ZNF395: variants seen among roughly 807,000 people sequenced by gnomAD.
ZNF395 encodes the protein zinc finger protein 395.
A neutral mutation model predicts 57.7 loss-of-function variants in ZNF395; 20 were observed. The ratio of observed to expected loss-of-function variants is 0.35; its 90% CI spans 0.24 to 0.50. The LOEUF is 0.50. Among genes scored for constraint, ZNF395 ranks in the 20% least tolerant of loss-of-function variants. The pLI is 0.97. For synonymous variants in ZNF395, 295 were observed against 275.9 expected, an observed-to-expected ratio of 1.07 and a Z score of -0.69; for missense variants, 606 against 671.2, an observed-to-expected ratio of 0.90 and a Z score of 1.07.
intron 1 of ZNF395, chr8:28,386,037 C>T (rs1255968165): frequency 6.8e-6 from 1 of 147,292 alleles, no homozygotes; most frequent in African/African-American, 2.4e-5. Flanking sequence ...ACGCGCCCGG[C>T]TTCCCCGGCT....
rs547945591 is a variant in ZNF395 at position 28,351,708 on chromosome 8, GGCA to G, written c.1017_1019del (p.Ala341del). On this transcript the variant is annotated inframe_deletion, in exon 7 of 10. Coordinates refer to ENST00000344423, the MANE Select transcript of ZNF395 (RefSeq NM_018660.3). The stretch of plus-strand genomic sequence containing the variant: ...GAGTCCCAGGGACTGGGGTGCCTGC[GGCA>G]GCAGCAGCAGCAGCAGCAGCAGATT... The G allele has an allele frequency of 1.6e-4, 258 of 1,596,934 alleles. No homozygotes were observed. The highest frequency in any genetic ancestry group is 3.7e-4 in the South Asian group (33 of 89,572).
chr8:28,351,636 C>A lies in ZNF395; in HGVS notation c.1092G>T (p.Leu364=). ...TGTGCAGAGGTGGTGGAAGAGCAGA[C>A]AGAGGCAGGCCAGTCATGCTGGGGG... ...APTPSMTGLP[L]SALPPPLHKA... is the part of the protein sequence containing the mutation. The change falls in exon 7 of 10, where the codon CTG becomes CTT. Residue 364 remains leucine (L), a synonymous_variant. Coordinates refer to ENST00000344423, the MANE Select transcript of ZNF395 (RefSeq NM_018660.3). The A allele has an allele frequency of 6.2e-7, 1 of 1,613,472 alleles. No homozygotes were observed. The highest frequency in any genetic ancestry group is 8.5e-7 in the Non-Finnish European group (1 of 1,179,980).
rs1563334253 is a variant in ZNF395 at position 28,345,905 on chromosome 8, C to T, written c.*2814G>A. The T allele has an allele frequency of 6.6e-6, 1 of 152,200 alleles. No homozygotes were observed. Among genetic ancestry groups the T allele is most frequent in the Non-Finnish European group, 1.5e-5 (1 of 68,022 alleles). The allele number at this position is 152,200 out of a possible 1,614,324, so 9.4% of individuals were successfully genotyped here. A position where few individuals can be genotyped will look rare whatever the true frequency, so the allele number is the denominator to read the frequency against. On this transcript the variant is annotated 3_prime_UTR_variant, in exon 10 of 10. Transcript: ENST00000344423. Reference sequence around the variant, plus strand: ...TCAAGCTATAGACTCACAATGACAACGTGGCCATGGCTCAAAACACTCTCT... The same window carrying T: ...TCAAGCTATAGACTCACAATGACAATGTGGCCATGGCTCAAAACACTCTCT...
At position 28,348,104 on chromosome 8, in the gene ZNF395, A is replaced by G. The variant is rs1801629909; in HGVS notation, c.*615T>C. The G allele has an allele frequency of 6.6e-6, 1 of 152,122 alleles. No homozygotes were observed. Among genetic ancestry groups the G allele is most frequent in the Non-Finnish European group, 1.5e-5 (1 of 68,028 alleles). The allele number at this position is 152,122 out of a possible 1,614,324, so 9.4% of individuals were successfully genotyped here. On this transcript the variant is annotated 3_prime_UTR_variant, in exon 10 of 10. Transcript: ENST00000344423. ...TGGGGTGCAACCCAATGTCTGAGGGAACCCAGATTTAAGTCGTCACCAAGA... is the reference window on the plus strand; with the variant it reads ...TGGGGTGCAACCCAATGTCTGAGGGGACCCAGATTTAAGTCGTCACCAAGA...
rs563295896 is a variant in ZNF395, at chr8:28,348,458, T to C, written c.*261A>G. On this transcript the variant is annotated 3_prime_UTR_variant, in exon 10 of 10. Transcript: ENST00000344423. ...GGAGGGTAATTAATTCTTTGGTCAC[T>C]GGTTCACTGCTGAATAGCCTTGGTC... is the stretch of plus-strand genomic sequence containing the variant. 44 of 434,350 alleles carry C rather than the reference T, an allele frequency of 1.0e-4. No individual in the cohort carries two copies. Among genetic ancestry groups the C allele is most frequent in the African/African-American group, 8.4e-4 (42 of 49,888 alleles). The allele number at this position is 434,350 out of a possible 1,614,324, so 26.9% of individuals were successfully genotyped here.
At chr8:28,381,161 C>A (rs994702229) in intron 1 of ZNF395, among the ~76,000 whole-genome samples, 6 of 152,094 alleles carry the variant, frequency 3.9e-5, no homozygotes, top group Non-Finnish European at 7.4e-5. Flanking sequence ...CTTGCCTCAG[C>A]CTCCCGAGCA....
chr8:28,362,424 T>C (rs950008832), intron 1 of ZNF395, among the ~76,000 whole-genome samples: 1 of 152,252 alleles, frequency 6.6e-6, no homozygotes, highest in Admixed American at 6.5e-5. Context: ...GCTTATTATG[T>C]GCAAAGCACA....
chr8:28,357,769 G>C (rs1271661066), intron 3 of ZNF395, among the ~76,000 whole-genome samples: 2 of 152,116 alleles, frequency 1.3e-5, no homozygotes, highest in East Asian at 3.8e-4. Flanking sequence ...CTCTAATTTG[G>C]TTTCAAAATA....
At chr8:28,369,329 G>A (rs1801949553) in intron 1 of ZNF395, among the ~76,000 whole-genome samples, 1 of 152,116 alleles carries the variant, frequency 6.6e-6, no homozygotes, top group Admixed American at 6.5e-5. Flanking sequence ...CACATTATCT[G>A]ACAATGCCAA....
At chr8:28,374,639 C>A (rs753510752) in intron 1 of ZNF395, among the ~76,000 whole-genome samples, 1 of 152,080 alleles carries the variant, frequency 6.6e-6, no homozygotes, top group Admixed American at 6.6e-5. Flanking sequence ...GATCTTGTTT[C>A]AATATTACAA....
At chr8:28,355,444 A>ATT (rs11292657) in intron 4 of ZNF395, among the ~76,000 whole-genome samples, 3 of 143,588 alleles carry the variant, frequency 2.1e-5, no homozygotes, top group Admixed American at 7.0e-5. Flanking sequence ...TTAATAGACA[A>ATT]TTTTTTTTTT....
rs1281076644 is a variant in ZNF395 at position 28,352,449 on chromosome 8, C to T, written c.920+124G>A. The T allele has an allele frequency of 2.7e-6, 2 of 742,216 alleles. No individual in the cohort carries two copies. The highest frequency in any genetic ancestry group is 5.1e-5 in the East Asian group (2 of 38,892). The allele number at this position is 742,216 out of a possible 1,614,324, so 46.0% of individuals were successfully genotyped here. A position where few individuals can be genotyped will look rare whatever the true frequency, so the allele number is the denominator to read the frequency against. The stretch of plus-strand genomic sequence containing the variant: ...TTTCTCAGGGGGCCAGGAAGAGACA[C>T]CAGGGGGTGTTCCCAGCAAGCCACG... On this transcript the variant is annotated intron_variant, in intron 6 of 9. Coordinates refer to ENST00000344423, the MANE Select transcript of ZNF395 (RefSeq NM_018660.3). The surrounding 1 kb of genome is among the most constrained non-coding windows in gnomAD (Gnocchi z 4.0).
chr8:28,360,127 C>T (rs887094611), intron 2 of ZNF395, among the ~76,000 whole-genome samples: 6 of 152,200 alleles, frequency 3.9e-5, no homozygotes, highest in Non-Finnish European at 5.9e-5. Context: ...TTCCTTGACC[C>T]GGATGCACTG....
intron 1 of ZNF395, among the ~76,000 whole-genome samples, chr8:28,375,778 G>C (rs770732747): frequency 3.3e-5 from 5 of 152,068 alleles, no homozygotes; most frequent in Non-Finnish European, 5.9e-5. Context: ...GATTAAAATG[G>C]ACACAGGACA....
rs994183198 is a variant in ZNF395 at position 28,346,637 on chromosome 8, G to C, written c.*2082C>G. 12 of 152,148 alleles carry C rather than the reference G, an allele frequency of 7.9e-5. No homozygotes were observed. Among genetic ancestry groups the C allele is most frequent in the African/African-American group, 2.7e-4 (11 of 41,406 alleles). The allele number at this position is 152,148 out of a possible 1,614,324, so 9.4% of individuals were successfully genotyped here. A position where few individuals can be genotyped will look rare whatever the true frequency, so the allele number is the denominator to read the frequency against. On this transcript the variant is annotated 3_prime_UTR_variant, in exon 10 of 10. Coordinates refer to ENST00000344423, the MANE Select transcript of ZNF395 (RefSeq NM_018660.3). ...TCCGTATATCCAGTTATATCTACAC[G>C]GTCCAAACTGGGGGCGGGGGGAATT...
At chr8:28,374,908 G>A (rs1234605273) in intron 1 of ZNF395, among the ~76,000 whole-genome samples, 3 of 152,114 alleles carry the variant, frequency 2.0e-5, no homozygotes, top group African/African-American at 7.2e-5. Context: ...ATGGGAATCA[G>A]GATTCCTAAT....
chr8:28,352,613 T>A lies in ZNF395; in HGVS notation c.880A>T (p.Ile294Phe). 6.2e-7 allele frequency: 1 copy of A among 1,614,162 alleles called. No individual in the cohort carries two copies. Among genetic ancestry groups the A allele is most frequent in the Non-Finnish European group, 8.5e-7 (1 of 1,180,016 alleles). ...TTGACGTGTCGTTTGATGCCCACAA[T>A]GGAGCGCAGAACTTTGCCACAGTTT... ...WPNCGKVLRSIVGIKRHVKAL... is the reference protein window; with the variant it reads ...WPNCGKVLRSFVGIKRHVKAL... Residue 294 changes from isoleucine (I) to phenylalanine (F), a missense_variant, in exon 6 of 10, where the codon ATT becomes TTT. Ile to Phe is a conservative substitution (Grantham distance 21). Transcript: ENST00000344423. The surrounding 1 kb of genome is among the most constrained non-coding windows in gnomAD (Gnocchi z 4.0).
intron 1 of ZNF395, among the ~76,000 whole-genome samples, chr8:28,380,389 G>A (rs1296927760): frequency 2.0e-5 from 3 of 151,924 alleles, no homozygotes; most frequent in Non-Finnish European, 4.4e-5. Flanking sequence ...ACCTTGATTT[G>A]TCTGCAAAAC....
chr8:28,348,094 T>A lies in ZNF395; in HGVS notation c.*625A>T, dbSNP rs1420344666. 1 of 152,198 alleles carries A rather than the reference T, an allele frequency of 6.6e-6. No homozygotes were observed. 9.4% of individuals were successfully genotyped at this position (152,198 alleles called of 1,614,324 possible). A position where few individuals can be genotyped will look rare whatever the true frequency, so the allele number is the denominator to read the frequency against. On this transcript the variant is annotated 3_prime_UTR_variant, in exon 10 of 10. Transcript: ENST00000344423. ...TAATATTTGTTGGGGTGCAACCCAA[T>A]GTCTGAGGGAACCCAGATTTAAGTC...
Sources: allele counts gnomAD v4.1 joint callset (sites outside exome capture counted in the v4.1 genomes callset), GRCh38; gene constraint gnomAD v4.1.1; non-coding constraint Gnocchi (gnomAD v3.1); transcripts MANE v1.5; gene names NCBI Gene and HGNC (gene_info 2026-07-23, HGNC 2026-07-21).